OGDH: variants seen among roughly 807,000 people sequenced by gnomAD.
OGDH encodes oxoglutarate dehydrogenase, also known as 2-oxoglutarate dehydrogenase complex component E1.
In OGDH, 38 loss-of-function variants were observed where a neutral mutation model predicts 116.6. The observed-to-expected ratio is 0.33, with a 90% CI of 0.25 to 0.43. The LOEUF (loss-of-function observed/expected upper bound fraction) is 0.43, where lower values mean the gene tolerates loss of function less well. Ranked by LOEUF, OGDH falls within the 20% of genes least tolerant of loss-of-function variation. The pLI is 1.00. For missense variants in OGDH, 825 were observed against 1,357.2 expected (o/e 0.61, Z 6.16); for synonymous variants, 488 against 533.3 (o/e 0.92, Z 1.17).
At chr7:44,696,703 A>T in intron 14 of OGDH, 146 bp downstream of exon 14, 1 of 1,279,374 alleles carries the variant, frequency 7.8e-7, no homozygotes, top group African/African-American at 1.5e-5. Flanking sequence ...GGGTGGTTGG[A>T]TGGAGCCACC....
intron 2 of OGDH, among the ~76,000 whole-genome samples, chr7:44,629,520 T>C (rs2117324159): frequency 6.6e-6 from 1 of 152,252 alleles, no homozygotes; most frequent in Admixed American, 6.5e-5. Context: ...GCCTAAAGCC[T>C]GCCTCCCTGT....
chr7:44,648,023 C>A (rs1786268703), intron 4 of OGDH, among the ~76,000 whole-genome samples: 1 of 152,194 alleles, frequency 6.6e-6, no homozygotes, highest in Non-Finnish European at 1.5e-5. Context: ...AAAAGCTTGT[C>A]CACCTGGGGC....
chr7:44,621,566 CA>C, intron 1 of OGDH, among the ~76,000 whole-genome samples: 1 of 152,042 alleles, frequency 6.6e-6, no homozygotes, highest in Admixed American at 6.6e-5. Flanking sequence ...TCCCGTGAGT[CA>C]TCTTAAGGGA....
At chr7:44,646,716 G>A (rs888931940) in intron 3 of OGDH, among the ~76,000 whole-genome samples, 1 of 152,122 alleles carries the variant, frequency 6.6e-6, no homozygotes, top group African/African-American at 2.4e-5. Context: ...TTCTCCTTTT[G>A]GTTTTTAAAT....
At chr7:44,647,409 T>C in intron 3 of OGDH, 2 of 1,441,068 alleles carry the variant, frequency 1.4e-6, no homozygotes, top group Non-Finnish European at 1.9e-6. Flanking sequence ...GCTCACTGGA[T>C]CTGCTTAATG....
intron 20 of OGDH, among the ~76,000 whole-genome samples, chr7:44,702,472 C>G (rs915071067): frequency 1.3e-5 from 2 of 152,224 alleles, no homozygotes; most frequent in African/African-American, 4.8e-5. Flanking sequence ...CCAGGGGTCA[C>G]CAGGCCAGGA....
intron 20 of OGDH, among the ~76,000 whole-genome samples, chr7:44,705,712 GT>G (rs1274119225): frequency 6.6e-6 from 1 of 151,882 alleles, no homozygotes; most frequent in Non-Finnish European, 1.5e-5. Flanking sequence ...CTTTTATTCT[GT>G]TTGTATCATA....
intron 10 of OGDH, among the ~76,000 whole-genome samples, chr7:44,685,082 G>A (rs996394627): frequency 6.6e-6 from 1 of 151,988 alleles, no homozygotes; most frequent in Non-Finnish European, 1.5e-5. Context: ...CACCGCTCCT[G>A]GCCTTTTTTC....
chr7:44,663,626 G>A (rs1251608630), intron 4 of OGDH, among the ~76,000 whole-genome samples: 3 of 152,164 alleles, frequency 2.0e-5, no homozygotes, highest in African/African-American at 4.8e-5. Context: ...AAAATTAGCC[G>A]AGTGTGGTGG....
intron 5 of OGDH, among the ~76,000 whole-genome samples, chr7:44,669,353 C>T (rs542452089): frequency 2.0e-5 from 3 of 151,970 alleles, no homozygotes; most frequent in African/African-American, 4.8e-5. Flanking sequence ...GATCTCACCA[C>T]GTTGCCCAGG....
chr7:44,671,378 CACAA>C (rs1299275241), intron 5 of OGDH, among the ~76,000 whole-genome samples: 4 of 152,196 alleles, frequency 2.6e-5, no homozygotes, highest in Non-Finnish European at 5.9e-5. Flanking sequence ...GATCCACCCT[CACAA>C]ACAAAACATC....
At chr7:44,607,943 C>G (rs1443764501) in intron 1 of OGDH, among the ~76,000 whole-genome samples, 3 of 152,248 alleles carry the variant, frequency 2.0e-5, no homozygotes, top group Non-Finnish European at 4.4e-5. Flanking sequence ...CTCAGGTGAT[C>G]CGCCCGCCTC....
At chr7:44,698,991 A>G (rs1217140311) in intron 18 of OGDH, among the ~76,000 whole-genome samples, 2 of 151,798 alleles carry the variant, frequency 1.3e-5, no homozygotes, top group African/African-American at 4.8e-5. Flanking sequence ...TAAAAATACA[A>G]AAACTAGCTG....
At chr7:44,612,219 ACT>A (rs1246476417) in intron 1 of OGDH, among the ~76,000 whole-genome samples, 2 of 151,434 alleles carry the variant, frequency 1.3e-5, no homozygotes, top group East Asian at 1.9e-4. Flanking sequence ...TACTTGTGTG[ACT>A]CTGTTTCTGA....
intron 2 of OGDH, among the ~76,000 whole-genome samples, chr7:44,635,230 A>G (rs1212710873): frequency 6.6e-6 from 1 of 152,176 alleles, no homozygotes; most frequent in Non-Finnish European, 1.5e-5. Flanking sequence ...CTGGATTAGA[A>G]TGAGCTGAAA....
chr7:44,706,624 ATTTTTT>A lies in OGDH; in HGVS notation c.2633-591_2633-586del, dbSNP rs60453820. On this transcript the variant is annotated intron_variant, in intron 20 of 22. Coordinates refer to ENST00000222673, the MANE Select transcript of OGDH (RefSeq NM_002541.4). The stretch of plus-strand genomic sequence containing the variant: ...GGCGTGAGCCATGCGCCCGGCTGGT[ATTTTTT>A]TTTTTTTTTGTCTGGAGATGGAGTC... Among the ~76,000 whole-genome samples, 18 of 123,250 alleles carry A rather than the reference ATTTTTT, an allele frequency of 1.5e-4. 1 individual carries two copies. The highest frequency in any genetic ancestry group is 5.8e-4 in the African/African-American group (18 of 31,028). The allele number at this position is 123,250 out of a possible 152,430, so 80.9% of individuals were successfully genotyped here. A position where few individuals can be genotyped will look rare whatever the true frequency, so the allele number is the denominator to read the frequency against.
At chr7:44,700,408 A>G (rs1585396048) in intron 19 of OGDH, 139 bp downstream of exon 19, 1 of 1,115,832 alleles carries the variant, frequency 9.0e-7, no homozygotes, top group South Asian at 1.6e-5. Context: ...ACATGGTGTC[A>G]GGGAGCCTCG....
At position 44,652,064 on chromosome 7, in the gene OGDH, G is replaced by C. The variant is rs111534084; in HGVS notation, c.517+4305G>C. 9.9e-5 allele frequency among the ~76,000 whole-genome samples: 15 copies of C among 151,646 alleles called. 1 individual carries two copies. Among genetic ancestry groups the C allele is most frequent in the African/African-American group, 3.4e-4 (14 of 41,378 alleles). On this transcript the variant is annotated intron_variant, in intron 4 of 22. Transcript: ENST00000222673. The stretch of plus-strand genomic sequence containing the variant: ...TTTTAGAACAGTTTCTCAATTATGT[G>C]TGAATTATGTTCCGTAATTGTGCCA...
At chr7:44,616,425 C>A (rs1209530975) in intron 1 of OGDH, among the ~76,000 whole-genome samples, 2 of 151,978 alleles carry the variant, frequency 1.3e-5, no homozygotes, top group African/African-American at 4.8e-5. Context: ...TCAGTCCCTA[C>A]CAGTGGTGAC....
Sources: gnomAD v4.1 joint callset for allele counts (sites outside exome capture counted in the v4.1 genomes callset) on GRCh38, gnomAD v4.1.1 for gene constraint, MANE v1.5 for transcripts, NCBI Gene and HGNC (gene_info 2026-07-23, HGNC 2026-07-21) for gene names.